SETD6: variants seen among roughly 807,000 people sequenced by gnomAD.
SETD6 encodes the protein SET domain containing 6, protein lysine methyltransferase.
A neutral mutation model predicts 52.7 loss-of-function variants in SETD6; 67 were observed. The ratio of observed to expected loss-of-function variants is 1.27; its 90% CI spans 1.04 to 1.56. The LOEUF (loss-of-function observed/expected upper bound fraction) is 1.56. SETD6 is among the 40% of genes most tolerant of loss of function. The pLI is 0.00. For synonymous variants in SETD6, 307 were observed against 250.2 expected, an observed-to-expected ratio of 1.23 and a Z score of -2.14; for missense variants, 712 against 607.5, an observed-to-expected ratio of 1.17 and a Z score of -1.81.
rs2039249136 is a variant in SETD6, at chr16:58,518,483, A to G, written c.1056A>G (p.Gly352=). The G allele has an allele frequency of 6.3e-7, 1 of 1,590,850 alleles. No individual in the cohort carries two copies. Among genetic ancestry groups the G allele is most frequent in the Admixed American group, 2.0e-5 (1 of 51,024 alleles). ...AACTGGAGATGGTAGGGGAAGAGGG[A>G]GCCTTTGTGATAGGGAGGGAGGAGG... The part of the protein sequence containing the change: ...LCKLEMVGEE[G]AFVIGREEVL... The change falls in exon 7 of 8, where the codon GGA becomes GGG. Residue 352 remains glycine, a synonymous_variant. Transcript: ENST00000219315.
At position 58,523,360 on chromosome 16, in the gene SETD6, G is replaced by A. The variant is rs143651029; in HGVS notation, c.*4331G>A. On this transcript the variant is annotated 3_prime_UTR_variant, in exon 8 of 8. Coordinates refer to ENST00000219315, the MANE Select transcript of SETD6 (RefSeq NM_001160305.4). ...TTTTGAAGCATTTAAAAAATAAGCT[G>A]CTCGCTTACCTTGTGATCTGTTCTT... 5 of 1,566,292 alleles carry A rather than the reference G, an allele frequency of 3.2e-6. No homozygotes were observed. In the African/African-American group the frequency reaches 6.8e-5, roughly 21 times the overall value.
Position 58,515,803 on chromosome 16 carries a change from G to C in SETD6, c.40G>C (p.Val14Leu). Residue 14 changes from valine to leucine, a missense_variant, in exon 2 of 8, where the codon GTG becomes CTG. Coordinates refer to ENST00000219315, the MANE Select transcript of SETD6 (RefSeq NM_001160305.4). Reference sequence around the variant, plus strand: ...GCACTTATCTCAGGTGGCGGGGCCCGTGGACGGCGGCGACCTGGATCCTGT... The same window carrying C: ...GCACTTATCTCAGGTGGCGGGGCCCCTGGACGGCGGCGACCTGGATCCTGT... The part of the protein sequence containing the change: ...QAKRPRVAGP[V>L]DGGDLDPVAC... 6.6e-7 allele frequency: 1 copy of C among 1,516,764 alleles called. No homozygotes were observed. The highest frequency in any genetic ancestry group is 2.6e-5 in the East Asian group (1 of 38,566). 94.0% of individuals were successfully genotyped at this position (1,516,764 alleles called of 1,614,324 possible). A position where few individuals can be genotyped will look rare whatever the true frequency, so the allele number is the denominator to read the frequency against.
intron 5 of SETD6, 100 bp downstream of exon 5, chr16:58,517,028 T>C: frequency 6.4e-7 from 1 of 1,551,978 alleles, no homozygotes; most frequent in Non-Finnish European, 8.9e-7. Flanking sequence ...GTAGGTGAAA[T>C]CAGCTCCTCC....
Position 58,521,068 on chromosome 16 carries a change from T to C in SETD6, c.*2039T>C, listed in dbSNP as rs2039350630. On this transcript the variant is annotated 3_prime_UTR_variant, in exon 8 of 8. Transcript: ENST00000219315. ...GATGAAGACAGTTACAAATCTCTGA[T>C]TAAAGAGTAGGCCTAACAATACCTT... The C allele has an allele frequency of 6.2e-7, 1 of 1,613,920 alleles. No homozygotes were observed. Among genetic ancestry groups the C allele is most frequent in the African/African-American group, 1.3e-5 (1 of 74,932 alleles).
rs1386922930 is a variant in SETD6 at position 58,519,992 on chromosome 16, C to CAT, written c.*965_*966dup. ...AATGGTTAGCTACAGTATGCATACACATACAAGAAGTAGGGGAGCTGAAGC... is the reference window on the plus strand; with the variant it reads ...AATGGTTAGCTACAGTATGCATACACATATACAAGAAGTAGGGGAGCTGAAGC... On this transcript the variant is annotated 3_prime_UTR_variant, in exon 8 of 8. Transcript: ENST00000219315. 1 of 152,198 alleles carries CAT rather than the reference C, an allele frequency of 6.6e-6. No homozygotes were observed. The allele number at this position is 152,198 out of a possible 1,614,324, so 9.4% of individuals were successfully genotyped here.
At position 58,522,476 on chromosome 16, in the gene SETD6, C is replaced by T. The variant is rs755938643; in HGVS notation, c.*3447C>T. Among the ~76,000 whole-genome samples, 7 of 148,080 alleles carry T rather than the reference C, an allele frequency of 4.7e-5. No homozygotes were observed. The highest frequency in any genetic ancestry group is 2.0e-4 in the East Asian group (1 of 4,892). ...AGATATTAAATTTTAGTACACAAAT[C>T]AAAGGAATACCATATTTAGCACCAT... On this transcript the variant is annotated 3_prime_UTR_variant, in exon 8 of 8. Transcript: ENST00000219315.
Position 58,518,776 on chromosome 16 carries a change from G to A in SETD6, c.1169G>A (p.Gly390Glu), listed in dbSNP as rs149879960. 20 of 1,613,976 alleles carry A rather than the reference G, an allele frequency of 1.2e-5. 1 individual carries two copies. The East Asian group carries it at 1.3e-4, about 11-fold the overall frequency. ...EFRELKDQDG[G>E]GDDKREEGSL... Reference sequence around the variant, plus strand: ...AGAGAGCTTAAAGACCAGGATGGAGGGGGAGATGATAAAAGGGAAGAGGGC... The same window carrying A: ...AGAGAGCTTAAAGACCAGGATGGAGAGGGAGATGATAAAAGGGAAGAGGGC... Residue 390 changes from glycine to glutamate, a missense_variant, in exon 8 of 8, where the codon GGG becomes GAG. Transcript: ENST00000219315.
rs1372028948 is a variant in SETD6, at chr16:58,520,997, C to G, written c.*1968C>G. ...TCCCTTCCATTACTTGCTGGGCCTG[C>G]TTCTGTCCCATGCAGCACTGTGCGA... On this transcript the variant is annotated 3_prime_UTR_variant, in exon 8 of 8. Transcript: ENST00000219315. 1.2e-6 allele frequency: 2 copies of G among 1,614,060 alleles called. No homozygotes were observed. Among genetic ancestry groups the G allele is most frequent in the Non-Finnish European group, 1.7e-6 (2 of 1,180,036 alleles).
chr16:58,515,507 G>T, upstream of SETD6: 1 of 1,573,500 alleles, frequency 6.4e-7, no homozygotes, highest in Non-Finnish European at 8.6e-7. Flanking sequence ...CGCGCGGTGC[G>T]CCGGCCCGCG....
rs980413203 is a variant in SETD6, at chr16:58,520,665, T to C, written c.*1636T>C. The C allele has an allele frequency of 1.2e-5, 5 of 418,702 alleles. No individual in the cohort carries two copies. The highest frequency in any genetic ancestry group is 1.0e-4 in the African/African-American group (5 of 50,184). 25.9% of individuals were successfully genotyped at this position (418,702 alleles called of 1,614,324 possible). A position where few individuals can be genotyped will look rare whatever the true frequency, so the allele number is the denominator to read the frequency against. On this transcript the variant is annotated 3_prime_UTR_variant, in exon 8 of 8. Transcript: ENST00000219315. ...TTATGTACTTGCCTTGGACACAGCT[T>C]GCACAAAGCCAAGAAGTTCCAGACA... is the stretch of plus-strand genomic sequence containing the variant.
In SETD6 at chr16:58,520,234, T is replaced by C. The variant is rs971720358; in HGVS notation, c.*1205T>C. On this transcript the variant is annotated 3_prime_UTR_variant, in exon 8 of 8. Coordinates refer to ENST00000219315, the MANE Select transcript of SETD6 (RefSeq NM_001160305.4). ...ACTGTTTTTAAGTTTCAGGAGAGGA[T>C]TGGGGGGGTGAGGGTAGGGGTGGGC... 7 of 102,366 alleles carry C rather than the reference T, an allele frequency of 6.8e-5. No homozygotes were observed. The highest frequency in any genetic ancestry group is 2.1e-4 in the Admixed American group (2 of 9,496). The allele number at this position is 102,366 out of a possible 1,614,324, so 6.3% of individuals were successfully genotyped here.
rs2039300710 is a variant in SETD6, at chr16:58,519,847, G to GTTT, written c.*818_*819insTTT. 2.6e-5 allele frequency: 4 copies of GTTT among 152,142 alleles called. No homozygotes were observed. Among genetic ancestry groups the GTTT allele is most frequent in the African/African-American group, 9.7e-5 (4 of 41,432 alleles). 9.4% of individuals were successfully genotyped at this position (152,142 alleles called of 1,614,324 possible). On this transcript the variant is annotated 3_prime_UTR_variant, in exon 8 of 8. Coordinates refer to ENST00000219315, the MANE Select transcript of SETD6 (RefSeq NM_001160305.4). ...TCAATCATTCAGCAAGAAGTTAGTT[G>GTTT]GTGGTTCCCCATGGCCCCAAGGTCT...
rs56149974 is a variant in SETD6, at chr16:58,522,237, C to CAAA, written c.*3236_*3238dup. Among the ~76,000 whole-genome samples, 30 of 98,580 alleles carry CAAA rather than the reference C, an allele frequency of 3.0e-4. No homozygotes were observed. Among genetic ancestry groups the CAAA allele is most frequent in the Admixed American group, 1.2e-3 (12 of 9,744 alleles). The allele number at this position is 98,580 out of a possible 152,430, so 64.7% of individuals were successfully genotyped here. A position where few individuals can be genotyped will look rare whatever the true frequency, so the allele number is the denominator to read the frequency against. On this transcript the variant is annotated 3_prime_UTR_variant, in exon 8 of 8. Coordinates refer to ENST00000219315, the MANE Select transcript of SETD6 (RefSeq NM_001160305.4). ...AGGAGGCGACAAAGCGAGACTGTCT[C>CAAA]AAAAAAAAAAAAAAAAAAAAAAAAA... is the stretch of plus-strand genomic sequence containing the variant.
In SETD6 at chr16:58,516,801, A is replaced by G. The variant is rs867247558; in HGVS notation, c.672-7A>G. 16 of 1,614,188 alleles carry G rather than the reference A, an allele frequency of 9.9e-6. No homozygotes were observed. Among genetic ancestry groups the G allele is most frequent in the East Asian group, 4.5e-5 (2 of 44,882 alleles). On this transcript the variant is annotated splice_polypyrimidine_tract_variant and splice_region_variant and intron_variant, in intron 4 of 7. Transcript: ENST00000219315. ...ACAGGGCCTTAGCCAGGTTCTGTCA[A>G]TGGCAGCTTTCAGGAACCACTGGAG...
rs2039340088 is a variant in SETD6, at chr16:58,520,737, C to G, written c.*1708C>G. 6 of 565,946 alleles carry G rather than the reference C, an allele frequency of 1.1e-5. No homozygotes were observed. The highest frequency in any genetic ancestry group is 1.6e-5 in the Non-Finnish European group (5 of 316,516). 35.1% of individuals were successfully genotyped at this position (565,946 alleles called of 1,614,324 possible). The stretch of plus-strand genomic sequence containing the variant: ...TTACACAAGTTCAAAATGATATTCA[C>G]AGCATCTTCTAAATTTTGGCCAAGA... On this transcript the variant is annotated 3_prime_UTR_variant, in exon 8 of 8. Transcript: ENST00000219315.
In SETD6 at chr16:58,516,925, T is replaced by A. The variant is rs1396944471; in HGVS notation, c.789T>A (p.Ser263=). The change falls in exon 5 of 8, where the codon TCT becomes TCA. Residue 263 remains serine, a synonymous_variant. Coordinates refer to ENST00000219315, the MANE Select transcript of SETD6 (RefSeq NM_001160305.4). ...ATCACAACGCCAATCTAGAATACTCTGCGGTGAGTGGAGTTTCTCTTGGTG... is the reference window on the plus strand; with the variant it reads ...ATCACAACGCCAATCTAGAATACTCAGCGGTGAGTGGAGTTTCTCTTGGTG... ...LANHNANLEY[S]ANCLRMVATQ... is the part of the protein sequence containing the mutation. 1 of 1,614,192 alleles carries A rather than the reference T, an allele frequency of 6.2e-7. No individual in the cohort carries two copies. The highest frequency in any genetic ancestry group is 8.5e-7 in the Non-Finnish European group (1 of 1,180,038).
At position 58,522,295 on chromosome 16, in the gene SETD6, T is replaced by C. The variant is rs547975029; in HGVS notation, c.*3266T>C. 1.4e-5 allele frequency among the ~76,000 whole-genome samples: 2 copies of C among 147,330 alleles called. No homozygotes were observed. Among genetic ancestry groups the C allele is most frequent in the Non-Finnish European group, 3.0e-5 (2 of 67,282 alleles). ...TAACATTGCTAGTTCACATGTAAAT[T>C]GGTAAAATTTTTCCGAATGCCAGTA... On this transcript the variant is annotated 3_prime_UTR_variant, in exon 8 of 8. Transcript: ENST00000219315.
Position 58,518,382 on chromosome 16 carries a change from A to G in SETD6, c.974-19A>G, listed in dbSNP as rs1286943110. 8 of 1,580,128 alleles carry G rather than the reference A, an allele frequency of 5.1e-6. No homozygotes were observed. The highest frequency in any genetic ancestry group is 4.7e-5 in the South Asian group (4 of 85,788). ...CCCTTGGGTGTACTGAGACTTTCAC[A>G]TTGCTGTTTCATCTACAGGAACAAA... On this transcript the variant is annotated intron_variant, in intron 6 of 7. Coordinates refer to ENST00000219315, the MANE Select transcript of SETD6 (RefSeq NM_001160305.4).
Position 58,522,452 on chromosome 16 carries a change from GAT to G in SETD6, c.*3426_*3427del, listed in dbSNP as rs1338666684. ...TCATCATCATCTAAGCATCCAATAA[GAT>G]ATTAAATTTTAGTACACAAATCAAA... On this transcript the variant is annotated 3_prime_UTR_variant, in exon 8 of 8. Coordinates refer to ENST00000219315, the MANE Select transcript of SETD6 (RefSeq NM_001160305.4). Among the ~76,000 whole-genome samples the G allele has an allele frequency of 1.3e-5, 2 of 152,062 alleles. No homozygotes were observed. Among genetic ancestry groups the G allele is most frequent in the South Asian group, 2.1e-4 (1 of 4,818 alleles).
Sources: allele counts gnomAD v4.1 joint callset (sites outside exome capture counted in the v4.1 genomes callset), GRCh38; gene constraint gnomAD v4.1.1; transcripts MANE v1.5; gene names NCBI Gene and HGNC (gene_info 2026-07-23, HGNC 2026-07-21).